The following PI4KB variants were observed in gnomAD, a reference collection of about 807,000 sequenced individuals.
PI4KB encodes PtdIns 4-kinase beta.
Under a neutral mutation model 81.4 loss-of-function variants are expected in PI4KB, and 23 were observed. The ratio of observed to expected loss-of-function variants is 0.28; its 90% CI spans 0.20 to 0.40. PI4KB has a LOEUF of 0.40. Ranked by LOEUF, PI4KB falls within the 10% of genes least tolerant of loss-of-function variation. The pLI, the probability that PI4KB is intolerant of heterozygous loss-of-function variation, is 1.00. For missense variants in PI4KB, 651 were observed against 1,036.6 expected (o/e 0.63, Z 5.11); for synonymous variants, 381 against 406.8 (o/e 0.94, Z 0.76).
At chr1:151,305,746 G>T (rs948682907) in intron 5 of PI4KB, among the ~76,000 whole-genome samples, 2 of 152,190 alleles carry the variant, frequency 1.3e-5, no homozygotes, top group African/African-American at 2.4e-5. Context: ...TTGTTCACTA[G>T]CATACAGCAC....
intron 1 of PI4KB, among the ~76,000 whole-genome samples, chr1:151,322,776 G>A (rs141399725): frequency 1.7e-4 from 25 of 151,242 alleles, no homozygotes; most frequent in Admixed American, 3.3e-4. Context: ...TTACTCTGTT[G>A]CCCAGGTTGG....
intron 1 of PI4KB, among the ~76,000 whole-genome samples, chr1:151,321,871 T>A (rs1216558332): frequency 7.7e-6 from 1 of 129,118 alleles, no homozygotes; most frequent in Non-Finnish European, 1.6e-5. Context: ...AGACTCTGTC[T>A]TAAAAAAAAA....
rs150286703 is a variant in PI4KB, at chr1:151,314,521, C to G, written c.909+1052G>C. Among the ~76,000 whole-genome samples, 307 of 152,330 alleles carry G rather than the reference C, an allele frequency of 2.0e-3. 3 individuals carry two copies. Among genetic ancestry groups the G allele is most frequent in the African/African-American group, 6.9e-3 (285 of 41,570 alleles). ...TCCTAAGTTATACCTCCAACTGCTG[C>G]TGTAGCTTCCTCTTCTTCCCAGCCT... is the stretch of plus-strand genomic sequence containing the variant. On this transcript the variant is annotated intron_variant, in intron 2 of 11. Transcript: ENST00000368873.
At chr1:151,311,237 G>A (rs992245095) in intron 2 of PI4KB, among the ~76,000 whole-genome samples, 4 of 152,038 alleles carry the variant, frequency 2.6e-5, no homozygotes, top group East Asian at 1.9e-4. Flanking sequence ...AGAGCAGCAC[G>A]TGTGCACAAA....
intron 9 of PI4KB, among the ~76,000 whole-genome samples, chr1:151,296,139 A>C (rs1457264880): frequency 6.6e-6 from 1 of 152,148 alleles, no homozygotes; most frequent in Non-Finnish European, 1.5e-5. Flanking sequence ...CCAGCTAATC[A>C]GGAGGCTGAG....
intron 2 of PI4KB, among the ~76,000 whole-genome samples, chr1:151,311,996 G>A (rs973396009): frequency 1.3e-5 from 2 of 152,194 alleles, no homozygotes; most frequent in African/African-American, 4.8e-5. Context: ...CAAAATATTT[G>A]CCATTTGGTT....
intron 9 of PI4KB, among the ~76,000 whole-genome samples, chr1:151,296,546 C>T (rs587636276): frequency 5.9e-5 from 9 of 151,696 alleles, no homozygotes; most frequent in African/African-American, 2.2e-4. Context: ...TCTTGGCTCA[C>T]TGCAACTTCT....
intron 7 of PI4KB, 107 bp from the exon 8 acceptor site, chr1:151,302,074 A>G: frequency 6.3e-7 from 1 of 1,586,390 alleles, no homozygotes. Flanking sequence ...GCAAGGACCC[A>G]GACAGCCTGG....
rs888671749 is a variant in PI4KB at position 151,316,471 on chromosome 1, G to T, written c.11C>A (p.Thr4Lys). Residue 4 changes from threonine to lysine, a missense_variant, in exon 2 of 12, where the codon ACA becomes AAA. Thr to Lys is a moderately conservative substitution (Grantham distance 78). Around this residue, in one of 5 missense-constraint regions of PI4KB, gnomAD observed 314 missense variants for 397.8 expected, o/e 0.79. Coordinates refer to ENST00000368873, the MANE Select transcript of PI4KB (RefSeq NM_001369623.2). The stretch of plus-strand genomic sequence containing the variant: ...CTTCAAGGGGGCAGGCTCCACTACT[G>T]TATCTCCCATGGCCACAGCCAGACT... The part of the protein sequence containing the change: MGD[T>K]VVEPAPLKPT... The T allele has an allele frequency of 2.6e-6, 4 of 1,531,602 alleles. No homozygotes were observed. Among genetic ancestry groups the T allele is most frequent in the Middle Eastern group, 1.8e-4 (1 of 5,656 alleles). 94.9% of individuals were successfully genotyped at this position (1,531,602 alleles called of 1,614,324 possible).
In PI4KB at chr1:151,293,547, G is replaced by A. The variant is rs192596947; in HGVS notation, c.2269+471C>T. On this transcript the variant is annotated intron_variant, in intron 11 of 11. Coordinates refer to ENST00000368873, the MANE Select transcript of PI4KB (RefSeq NM_001369623.2). The stretch of plus-strand genomic sequence containing the variant: ...CACCTGGAGCCTTGAGGAGGGGGAT[G>A]AGGACAGAAGGGGGTCCTGGGCAAA... The A allele has an allele frequency of 1.3e-4, 70 of 526,946 alleles. No homozygotes were observed. The African/African-American group carries it at 1.4e-3, about 10-fold the overall frequency. The allele number at this position is 526,946 out of a possible 1,614,324, so 32.6% of individuals were successfully genotyped here. A position where few individuals can be genotyped will look rare whatever the true frequency, so the allele number is the denominator to read the frequency against.
rs753329139 is a variant in PI4KB at position 151,303,684 on chromosome 1, A to C, written c.1411-34T>G. The C allele has an allele frequency of 1.8e-5, 24 of 1,364,340 alleles. No individual in the cohort carries two copies. The East Asian group carries it at 5.5e-4, about 31-fold the overall frequency. 84.5% of individuals were successfully genotyped at this position (1,364,340 alleles called of 1,614,324 possible). ...AGGGGAGTGCTGGTCAGAAGTGCTA[A>C]AGTATAGGTCTCCCGTCTTTCCCCT... is the stretch of plus-strand genomic sequence containing the variant. On this transcript the variant is annotated intron_variant, in intron 5 of 11. Coordinates refer to ENST00000368873, the MANE Select transcript of PI4KB (RefSeq NM_001369623.2).
chr1:151,315,534 T>C (rs1647795216), intron 2 of PI4KB, 39 bp downstream of exon 2: 2 of 1,442,504 alleles, frequency 1.4e-6, no homozygotes, highest in Middle Eastern at 2.1e-4. Flanking sequence ...CATGCAGCCC[T>C]CTACCACCTT....
chr1:151,309,016 G>A (rs982426818), intron 3 of PI4KB, among the ~76,000 whole-genome samples: 5 of 152,212 alleles, frequency 3.3e-5, no homozygotes, highest in African/African-American at 1.2e-4. Flanking sequence ...CCTCTTGGGA[G>A]ATGGTTCAGA....
At chr1:151,317,131 T>G (rs1161453987) in intron 1 of PI4KB, among the ~76,000 whole-genome samples, 1 of 144,100 alleles carries the variant, frequency 6.9e-6, no homozygotes, top group Non-Finnish European at 1.5e-5. Flanking sequence ...GGCCTACATT[T>G]ACAAATTCTT....
chr1:151,314,656 C>A (rs1647634995), intron 2 of PI4KB, among the ~76,000 whole-genome samples: 1 of 152,188 alleles, frequency 6.6e-6, no homozygotes, highest in African/African-American at 2.4e-5. Flanking sequence ...ACTCTTCCCC[C>A]TAAGGAAAGG....
chr1:151,294,376 A>AC (rs1557783068), intron 10 of PI4KB, 33 bp downstream of exon 10: 9 of 1,607,666 alleles, frequency 5.6e-6, no homozygotes, highest in African/African-American at 1.3e-5. Context: ...GAATACAATG[A>AC]CCCCCGAGAG....
At chr1:151,313,086 G>A (rs1344203730) in intron 2 of PI4KB, among the ~76,000 whole-genome samples, 2 of 152,052 alleles carry the variant, frequency 1.3e-5, no homozygotes, top group African/African-American at 2.4e-5. Flanking sequence ...AAGGAAGGAC[G>A]GATGGAAGGA....
At chr1:151,298,476 G>A in intron 9 of PI4KB, 2 of 327,044 alleles carry the variant, frequency 6.1e-6, no homozygotes, top group Non-Finnish European at 1.2e-5. Context: ...AGTGCAGTCT[G>A]TGCTTTAATC....
In PI4KB at chr1:151,294,100, A is replaced by G; in HGVS notation, c.2187T>C (p.Tyr729=). 6 of 1,614,018 alleles carry G rather than the reference A, an allele frequency of 3.7e-6. No individual in the cohort carries two copies. The highest frequency in any genetic ancestry group is 5.1e-6 in the Non-Finnish European group (6 of 1,179,978). ...TCAGCCCTTGCAGCATCAGCATCTT[A>G]TAGTAGTTGAACATGTCGCCATCCA... ...GGLDGDMFNY[Y]KMLMLQGLIA... is the part of the protein sequence containing the mutation. Residue 729 remains tyrosine, a synonymous_variant, in exon 11 of 12, where the codon TAT becomes TAC. Transcript: ENST00000368873.
Sources: allele counts gnomAD v4.1 joint callset (sites outside exome capture counted in the v4.1 genomes callset), GRCh38; gene constraint gnomAD v4.1.1; regional missense constraint gnomAD v4.1.1; transcripts MANE v1.5; gene names NCBI Gene and HGNC (gene_info 2026-07-23, HGNC 2026-07-21).